TAF4B: variants seen among roughly 807,000 people sequenced by gnomAD.
TAF4B encodes the protein transcription initiation factor TFIID subunit 4B.
In TAF4B, 38 loss-of-function variants were observed where a neutral mutation model predicts 86.4. The observed-to-expected ratio is 0.44, with a 90% CI of 0.34 to 0.58. TAF4B has a LOEUF of 0.58. TAF4B is among the 20% of genes least tolerant of loss of function. The pLI is 0.02. For missense variants in TAF4B, 988 were observed against 1,027.6 expected, an observed-to-expected ratio of 0.96 and a Z score of 0.53; for synonymous variants, 388 against 391.2, an observed-to-expected ratio of 0.99 and a Z score of 0.10.
chr18:26,254,148 G>A (rs1483451389), intron 1 of TAF4B, among the ~76,000 whole-genome samples: 2 of 151,642 alleles, frequency 1.3e-5, no homozygotes, highest in East Asian at 1.9e-4. Context: ...GACTGGTCTC[G>A]AGCTCCTGAC....
chr18:26,344,948 G>A lies in TAF4B; in HGVS notation c.2316+9717G>A, dbSNP rs1034627757. ...AGTCAAGAGAGACTTCCCATTGCAG[G>A]GAAAAGGCAATCAGAATAACCCAGC... On this transcript the variant is annotated intron_variant, in intron 13 of 14. Transcript: ENST00000269142. Among the ~76,000 whole-genome samples, 2 of 152,126 alleles carry A rather than the reference G, an allele frequency of 1.3e-5. 1 individual carries two copies. Among genetic ancestry groups the A allele is most frequent in the Non-Finnish European group, 2.9e-5 (2 of 68,018 alleles).
intron 11 of TAF4B, among the ~76,000 whole-genome samples, chr18:26,325,527 C>T (rs1039557322): frequency 1.3e-5 from 2 of 151,826 alleles, no homozygotes; most frequent in African/African-American, 2.4e-5. Context: ...AAAAAGGATG[C>T]GAATGTCAGA....
At chr18:26,276,815 C>A (rs2144571097) in intron 5 of TAF4B, among the ~76,000 whole-genome samples, 1 of 152,170 alleles carries the variant, frequency 6.6e-6, no homozygotes, top group South Asian at 2.1e-4. Context: ...GATGAAGAGA[C>A]CTGTTGGAAA....
At chr18:26,337,371 T>C (rs1410291111) in intron 13 of TAF4B, among the ~76,000 whole-genome samples, 1 of 152,146 alleles carries the variant, frequency 6.6e-6, no homozygotes, top group Non-Finnish European at 1.5e-5. Flanking sequence ...GTAGTGTATA[T>C]TGTTTGATTG....
chr18:26,375,060 T>C (rs952420511), intron 14 of TAF4B, among the ~76,000 whole-genome samples: 1 of 152,196 alleles, frequency 6.6e-6, no homozygotes, highest in Non-Finnish European at 1.5e-5. Context: ...AAATAGCTTG[T>C]TTATTTGGCC....
chr18:26,273,440 G>A (rs1277827319), intron 3 of TAF4B, among the ~76,000 whole-genome samples: 1 of 151,822 alleles, frequency 6.6e-6, no homozygotes, highest in African/African-American at 2.4e-5. Flanking sequence ...TATGTCTGCT[G>A]TTGAAAAAAA....
At chr18:26,358,133 G>C (rs1443488316) in intron 14 of TAF4B, among the ~76,000 whole-genome samples, 2 of 151,980 alleles carry the variant, frequency 1.3e-5, no homozygotes, top group African/African-American at 4.8e-5. Context: ...TCTAAATCTG[G>C]CTAATCTTGT....
At chr18:26,383,846 T>A (rs1031743650) in intron 14 of TAF4B, among the ~76,000 whole-genome samples, 3 of 152,170 alleles carry the variant, frequency 2.0e-5, no homozygotes, top group African/African-American at 7.2e-5. Context: ...AGATGAGAGA[T>A]CTGTTGCTTC....
rs1338337473 is a variant in TAF4B, at chr18:26,255,836, C to G, written c.344-9334C>G. On this transcript the variant is annotated intron_variant, in intron 1 of 14. Coordinates refer to ENST00000269142, the MANE Select transcript of TAF4B (RefSeq NM_005640.3). The stretch of plus-strand genomic sequence containing the variant: ...CCCCAAAACGGCCTTTATAGATGAT[C>G]CCACAACATGTCTTCTGTCTTTTCT... 15 of 1,381,522 alleles carry G rather than the reference C, an allele frequency of 1.1e-5. No individual in the cohort carries two copies. In the East Asian group the frequency reaches 2.3e-4, roughly 21 times the overall value. 85.6% of individuals were successfully genotyped at this position (1,381,522 alleles called of 1,614,324 possible).
At chr18:26,333,844 A>G (rs549601803) in intron 12 of TAF4B, among the ~76,000 whole-genome samples, 1 of 152,170 alleles carries the variant, frequency 6.6e-6, no homozygotes, top group South Asian at 2.1e-4. Flanking sequence ...AGTTACTACA[A>G]TTACTTTGTC....
intron 13 of TAF4B, among the ~76,000 whole-genome samples, chr18:26,356,233 A>T (rs1429237168): frequency 6.6e-6 from 1 of 152,108 alleles, no homozygotes; most frequent in Non-Finnish European, 1.5e-5. Flanking sequence ...AAGGGCACTA[A>T]GTCTCCACCC....
intron 10 of TAF4B, among the ~76,000 whole-genome samples, chr18:26,319,205 T>G (rs1434859267): frequency 7.0e-6 from 1 of 143,268 alleles, no homozygotes. Flanking sequence ...AAAATAATAA[T>G]AATAGGCCAG....
At chr18:26,325,487 G>A (rs2056996501) in intron 11 of TAF4B, among the ~76,000 whole-genome samples, 3 of 152,126 alleles carry the variant, frequency 2.0e-5, no homozygotes, top group African/African-American at 7.2e-5. Context: ...TGAATAGGGA[G>A]GGCACTCATT....
At chr18:26,312,954 A>C (rs1408908595) in intron 9 of TAF4B, among the ~76,000 whole-genome samples, 2 of 152,222 alleles carry the variant, frequency 1.3e-5, no homozygotes, top group Admixed American at 6.5e-5. Flanking sequence ...CAACATTCAA[A>C]AGATAGAAAA....
intron 14 of TAF4B, chr18:26,366,223 GT>G (rs771577689): frequency 6.6e-6 from 1 of 152,166 alleles, no homozygotes; most frequent in African/African-American, 2.4e-5. Context: ...TCCTGACAGT[GT>G]TTAAACTAGC....
intron 1 of TAF4B, among the ~76,000 whole-genome samples, chr18:26,264,439 TA>T (rs1229751349): frequency 6.6e-6 from 1 of 152,166 alleles, no homozygotes; most frequent in Non-Finnish European, 1.5e-5. Context: ...ATAATAAAAA[TA>T]AAAGAGTTAT....
intron 14 of TAF4B, among the ~76,000 whole-genome samples, chr18:26,374,714 C>G (rs1213038715): frequency 6.6e-6 from 1 of 152,126 alleles, no homozygotes; most frequent in Non-Finnish European, 1.5e-5. Context: ...TTAATGTTAT[C>G]CACAATACCG....
intron 6 of TAF4B, among the ~76,000 whole-genome samples, chr18:26,282,336 A>G (rs1220353068): frequency 6.6e-6 from 1 of 152,192 alleles, no homozygotes; most frequent in Non-Finnish European, 1.5e-5. Context: ...CCACAGAGGT[A>G]CTGCAGGTTT....
Position 26,247,092 on chromosome 18 carries a change from C to T in TAF4B, c.344-18078C>T, listed in dbSNP as rs535568410. Among the ~76,000 whole-genome samples, 205 of 150,746 alleles carry T rather than the reference C, an allele frequency of 1.4e-3. 1 individual carries two copies. The highest frequency in any genetic ancestry group is 3.6e-3 in the Middle Eastern group (1 of 274). On this transcript the variant is annotated intron_variant, in intron 1 of 14. Transcript: ENST00000269142. The stretch of plus-strand genomic sequence containing the variant: ...GTTGGTCAGGCTGGTCTCGAACTCC[C>T]GATCTTAGGTGATCCACCCGCCTCG...
Sources: gnomAD v4.1 joint callset for allele counts (sites outside exome capture counted in the v4.1 genomes callset) on GRCh38, gnomAD v4.1.1 for gene constraint, MANE v1.5 for transcripts, NCBI Gene and HGNC (gene_info 2026-07-23, HGNC 2026-07-21) for gene names.